Variants in REEP5 observed in about 807,000 individuals in gnomAD.
REEP5 encodes receptor accessory protein 5.
Under a neutral mutation model 22.4 loss-of-function variants are expected in REEP5, and 24 were observed. The ratio of observed to expected loss-of-function variants is 1.07; its 90% CI spans 0.78 to 1.51. The LOEUF is 1.51. REEP5 is among the 40% of genes most tolerant of loss of function. The probability of loss-of-function intolerance (pLI) is 0.00; values close to 1 mark genes in which losing one functional copy is unlikely to be tolerated. For missense variants in REEP5, 252 were observed against 233.0 expected, an observed-to-expected ratio of 1.08 and a Z score of -0.53; for synonymous variants, 103 against 88.6, an observed-to-expected ratio of 1.16 and a Z score of -0.92.
Position 112,878,760 on chromosome 5 carries a change from G to C in REEP5, c.*26C>G, listed in dbSNP as rs772792172. ...AGCTCCAGTAGGAAGGTACAGAGAG[G>C]GCAGGAAGTTTCCATCCAGTCTGGT... On this transcript the variant is annotated 3_prime_UTR_variant, in exon 5 of 5. Transcript: ENST00000379638. 5.0e-6 allele frequency: 8 copies of C among 1,613,992 alleles called. No homozygotes were observed. Among genetic ancestry groups the C allele is most frequent in the Non-Finnish European group, 5.9e-6 (7 of 1,179,964 alleles).
At chr5:112,913,553 A>G (rs2150047607) in intron 2 of REEP5, among the ~76,000 whole-genome samples, 1 of 151,208 alleles carries the variant, frequency 6.6e-6, no homozygotes, top group East Asian at 1.9e-4. Flanking sequence ...AAAAAAAAAA[A>G]AAAAAAAAAA....
chr5:112,898,935 G>A (rs998284988), intron 3 of REEP5, among the ~76,000 whole-genome samples: 1 of 152,174 alleles, frequency 6.6e-6, no homozygotes, highest in African/African-American at 2.4e-5. Flanking sequence ...ATTCTGTGGT[G>A]AAGTCATTCA....
intron 2 of REEP5, among the ~76,000 whole-genome samples, chr5:112,918,979 G>C (rs369213657): frequency 6.6e-6 from 1 of 152,212 alleles, no homozygotes; most frequent in Non-Finnish European, 1.5e-5. Context: ...ATTCAACAAG[G>C]ACAGAGAGTA....
At chr5:112,884,968 C>CAATA (rs973782364) in intron 4 of REEP5, 1 of 152,106 alleles carries the variant, frequency 6.6e-6, no homozygotes, top group Non-Finnish European at 1.5e-5. Context: ...TTAAACACCT[C>CAATA]AATAAATAAA....
At chr5:112,903,673 C>T (rs1463162352) in intron 2 of REEP5, among the ~76,000 whole-genome samples, 1 of 152,192 alleles carries the variant, frequency 6.6e-6, no homozygotes, top group Non-Finnish European at 1.5e-5. Context: ...CTCAGTCACT[C>T]ACTAAGAAAG....
At position 112,917,988 on chromosome 5, in the gene REEP5, G is replaced by A. The variant is rs563722869; in HGVS notation, c.212+3175C>T. Among the ~76,000 whole-genome samples the A allele has an allele frequency of 2.7e-4, 41 of 152,250 alleles. 1 individual carries two copies. In the South Asian group the frequency reaches 8.5e-3, roughly 32 times the overall value. On this transcript the variant is annotated intron_variant, in intron 2 of 4. Coordinates refer to ENST00000379638, the MANE Select transcript of REEP5 (RefSeq NM_005669.5). ...TACTTTAAAAGTGTACAATTTATAA[G>A]TATCTAAATTATATCTTAGCAATGG...
chr5:112,918,618 G>C (rs1454125813), intron 2 of REEP5, among the ~76,000 whole-genome samples: 1 of 152,196 alleles, frequency 6.6e-6, no homozygotes, highest in Non-Finnish European at 1.5e-5. Context: ...AGCAGCCAAA[G>C]TGACCTTAAA....
intron 4 of REEP5, among the ~76,000 whole-genome samples, chr5:112,881,149 AAAG>A (rs1185240723): frequency 1.3e-5 from 2 of 151,412 alleles, no homozygotes; most frequent in East Asian, 3.9e-4. Flanking sequence ...AAAAAAAAAA[AAAG>A]CTGGCAATCC....
chr5:112,914,325 C>G (rs373490875), intron 2 of REEP5, among the ~76,000 whole-genome samples: 1 of 151,084 alleles, frequency 6.6e-6, no homozygotes, highest in Non-Finnish European at 1.5e-5. Flanking sequence ...CACAGCTCAC[C>G]ACAGCCTTGA....
At chr5:112,911,547 G>A (rs1769103648) in intron 2 of REEP5, among the ~76,000 whole-genome samples, 1 of 152,132 alleles carries the variant, frequency 6.6e-6, no homozygotes. Context: ...AAATCCATCT[G>A]GAAAAACATC....
At chr5:112,883,907 GC>G (rs1292869015) in intron 4 of REEP5, among the ~76,000 whole-genome samples, 1 of 151,946 alleles carries the variant, frequency 6.6e-6, no homozygotes, top group African/African-American at 2.4e-5. Context: ...TCTGACCCAT[GC>G]CCAATCCATA....
Position 112,893,295 on chromosome 5 carries a change from A to T in REEP5, c.352-6112T>A, listed in dbSNP as rs541621138. Reference sequence around the variant, plus strand: ...TGTGGTGGCAGGCGTCTGTAATCCAAGCTACTTGGGAAGCTGAGGCAGGAG... The same window carrying T: ...TGTGGTGGCAGGCGTCTGTAATCCATGCTACTTGGGAAGCTGAGGCAGGAG... On this transcript the variant is annotated intron_variant, in intron 3 of 4. Transcript: ENST00000379638. 4.1e-5 allele frequency: 10 copies of T among 244,230 alleles called. No individual in the cohort carries two copies. The South Asian group carries it at 5.1e-4, about 12-fold the overall frequency. The allele number at this position is 244,230 out of a possible 1,614,324, so 15.1% of individuals were successfully genotyped here.
rs1032890369 is a variant in REEP5 at position 112,922,044 on chromosome 5, A to G, written c.118+29T>C. The G allele has an allele frequency of 2.5e-6, 4 of 1,572,990 alleles. No homozygotes were observed. The African/African-American group carries it at 4.2e-5, about 16-fold the overall frequency. ...GGGCAGCGGCGGCTCCCGTGGCCCT[A>G]CCAGCGGCGGCGACCCCCGGCCACC... is the stretch of plus-strand genomic sequence containing the variant. On this transcript the variant is annotated intron_variant, in intron 1 of 4. Transcript: ENST00000379638.
At chr5:112,888,706 T>TA (rs1178798059) in intron 3 of REEP5, among the ~76,000 whole-genome samples, 1 of 151,084 alleles carries the variant, frequency 6.6e-6, no homozygotes, top group African/African-American at 2.5e-5. Flanking sequence ...TAAAATTTGT[T>TA]ACACATGCAC....
chr5:112,919,480 G>A (rs1769303579), intron 2 of REEP5, among the ~76,000 whole-genome samples: 1 of 151,828 alleles, frequency 6.6e-6, no homozygotes, highest in Non-Finnish European at 1.5e-5. Context: ...TTTGGCGGGG[G>A]TGGGGGCGGC....
intron 3 of REEP5, chr5:112,892,228 A>C (rs1253489938): frequency 6.2e-7 from 1 of 1,614,170 alleles, no homozygotes; most frequent in Non-Finnish European, 8.5e-7. Context: ...ACGTAAACAT[A>C]ATTTCCCAAC....
Position 112,896,250 on chromosome 5 carries a change from T to C in REEP5, c.351+6130A>G, listed in dbSNP as rs562489152. On this transcript the variant is annotated intron_variant, in intron 3 of 4. Transcript: ENST00000379638. ...AGAAGAAAAATGTTGCGAGGCACAG[T>C]GGCTTACGCCTGTAATCCTAGCACT... 410 of 152,790 alleles carry C rather than the reference T, an allele frequency of 2.7e-3. 1 individual carries two copies. Among genetic ancestry groups the C allele is most frequent in the Admixed American group, 4.2e-3 (65 of 15,312 alleles). The allele number at this position is 152,790 out of a possible 1,614,324, so 9.5% of individuals were successfully genotyped here.
intron 4 of REEP5, among the ~76,000 whole-genome samples, chr5:112,880,837 T>C (rs542320140): frequency 1.7e-4 from 26 of 152,120 alleles, no homozygotes; most frequent in Admixed American, 9.8e-4. Context: ...AAAAATAAGC[T>C]GGTAATCCTG....
In REEP5 at chr5:112,887,090, C is replaced by T. The variant is rs34083474; in HGVS notation, c.445G>A (p.Glu149Lys). 0.013 allele frequency: 20,226 copies of T among 1,613,564 alleles called. 175 individuals are homozygous for T. Among genetic ancestry groups the T allele is most frequent in the Middle Eastern group, 0.019 (113 of 5,828 alleles). Residue 149 changes from glutamate (E) to lysine (K), a missense_variant, in exon 4 of 5, where the codon GAG becomes AAG. Physicochemically the swap from Glu to Lys is moderately conservative, Grantham distance 56. Coordinates refer to ENST00000379638, the MANE Select transcript of REEP5 (RefSeq NM_005669.5). ...TTGACCACACTGTCCATCTGGGACT[C>T]GTGCTTCAGGAAGAAAGGACGGATG... ...RIIRPFFLKH[E>K]SQMDSVVKDL...
Sources: gnomAD v4.1 joint callset for allele counts (sites outside exome capture counted in the v4.1 genomes callset) on GRCh38, gnomAD v4.1.1 for gene constraint, MANE v1.5 for transcripts, NCBI Gene and HGNC (gene_info 2026-07-23, HGNC 2026-07-21) for gene names.